The following CCSER1 variants were observed in gnomAD, a reference collection of about 807,000 sequenced individuals.
CCSER1 encodes the protein coiled-coil serine rich protein 1.
In CCSER1, 41 loss-of-function variants were observed where a neutral mutation model predicts 82.0. The observed-to-expected ratio is 0.50, with a 90% CI of 0.39 to 0.65. CCSER1 has a LOEUF of 0.65. CCSER1 is among the 30% of genes least tolerant of loss of function. CCSER1 has a pLI of 0.00. For missense variants in CCSER1, 1,119 were observed against 1,064.2 expected, an observed-to-expected ratio of 1.05 and a Z score of -0.72; for synonymous variants, 414 against 383.9, an observed-to-expected ratio of 1.08 and a Z score of -0.92.
At chr4:90,708,860 T>A (rs1739939982) in intron 6 of CCSER1, among the ~76,000 whole-genome samples, 1 of 152,156 alleles carries the variant, frequency 6.6e-6, no homozygotes. Context: ...CTTTGCCAGT[T>A]GAAGATATGA....
At chr4:90,782,290 GC>G (rs1291473683) in intron 7 of CCSER1, among the ~76,000 whole-genome samples, 2 of 152,126 alleles carry the variant, frequency 1.3e-5, no homozygotes, top group Non-Finnish European at 2.9e-5. Flanking sequence ...TCAAATTTCA[GC>G]CTAATTAGAA....
At chr4:90,194,353 A>G (rs892931453) in intron 1 of CCSER1, among the ~76,000 whole-genome samples, 10 of 152,068 alleles carry the variant, frequency 6.6e-5, no homozygotes, top group African/African-American at 2.4e-4. Flanking sequence ...CATACAAAGC[A>G]TGCTCAGTAA....
chr4:90,253,900 T>A (rs1177354740), intron 1 of CCSER1, among the ~76,000 whole-genome samples: 1 of 152,222 alleles, frequency 6.6e-6, no homozygotes, highest in Non-Finnish European at 1.5e-5. Flanking sequence ...TAGCCTTCAC[T>A]AATTGCTAGC....
chr4:91,496,986 T>A (rs562733468), intron 10 of CCSER1, among the ~76,000 whole-genome samples: 27 of 150,140 alleles, frequency 1.8e-4, no homozygotes, highest in African/African-American at 6.3e-4. Flanking sequence ...TCGATGTTCT[T>A]CTCCATCCTG....
At chr4:91,425,170 A>G (rs989603607) in intron 10 of CCSER1, among the ~76,000 whole-genome samples, 2 of 152,154 alleles carry the variant, frequency 1.3e-5, no homozygotes, top group Non-Finnish European at 2.9e-5. Context: ...ATCCTGGCTT[A>G]AGAGAAAGAA....
intron 6 of CCSER1, among the ~76,000 whole-genome samples, chr4:90,656,791 T>C (rs1729777318): frequency 6.6e-6 from 1 of 152,026 alleles, no homozygotes; most frequent in African/African-American, 2.4e-5. Flanking sequence ...CTTTGTTAGT[T>C]ATGCAATTTA....
chr4:90,479,946 C>T lies in CCSER1; in HGVS notation c.1724+11592C>T, dbSNP rs189954052. ...TTCTAGTTCCAGATCCCTGAAGAATCGCCACACCAATTTCCACAATTGTTG... is the reference window on the plus strand; with the variant it reads ...TTCTAGTTCCAGATCCCTGAAGAATTGCCACACCAATTTCCACAATTGTTG... On this transcript the variant is annotated intron_variant, in intron 5 of 10. Transcript: ENST00000509176. Among the ~76,000 whole-genome samples, 389 of 152,270 alleles carry T rather than the reference C, an allele frequency of 2.6e-3. 2 individuals are homozygous for T. Among genetic ancestry groups the T allele is most frequent in the African/African-American group, 8.8e-3 (367 of 41,562 alleles).
chr4:91,254,863 A>T (rs1740556363), intron 10 of CCSER1, among the ~76,000 whole-genome samples: 1 of 152,176 alleles, frequency 6.6e-6, no homozygotes, highest in African/African-American at 2.4e-5. Flanking sequence ...GTAGCATATT[A>T]TAGCATCGCT....
intron 7 of CCSER1, among the ~76,000 whole-genome samples, chr4:90,732,054 T>TCTCTCTCTCTCTCTCTCTCTCTCTCC (rs1189938582): frequency 6.6e-6 from 1 of 151,340 alleles, no homozygotes; most frequent in Non-Finnish European, 1.5e-5. Flanking sequence ...TCTCTCTCTC[T>TCTCTCTCTCTCTCTCTCTCTCTCTCC]CTCTCTCACT....
intron 10 of CCSER1, among the ~76,000 whole-genome samples, chr4:91,135,790 G>T (rs1405849566): frequency 1.3e-5 from 2 of 152,172 alleles, no homozygotes; most frequent in South Asian, 2.1e-4. Context: ...GAACCTGGGT[G>T]CAGCATGAAG....
chr4:91,423,580 CAT>C (rs1417029717), intron 10 of CCSER1, among the ~76,000 whole-genome samples: 1 of 152,068 alleles, frequency 6.6e-6, no homozygotes, highest in African/African-American at 2.4e-5. Context: ...TAATTTCTAA[CAT>C]ATAGCTTATG....
At chr4:90,368,155 T>A (rs1338654852) in intron 3 of CCSER1, among the ~76,000 whole-genome samples, 1 of 151,926 alleles carries the variant, frequency 6.6e-6, no homozygotes, top group African/African-American at 2.4e-5. Flanking sequence ...GAAGTTCTGA[T>A]GAACAGAAAG....
intron 1 of CCSER1, among the ~76,000 whole-genome samples, chr4:90,214,410 C>A (rs1740633947): frequency 6.6e-6 from 1 of 152,076 alleles, no homozygotes; most frequent in Non-Finnish European, 1.5e-5. Flanking sequence ...TAGGGATGCA[C>A]TAATAGGATT....
At chr4:91,575,430 C>A (rs1763404252) in intron 10 of CCSER1, among the ~76,000 whole-genome samples, 1 of 151,640 alleles carries the variant, frequency 6.6e-6, no homozygotes, top group East Asian at 1.9e-4. Context: ...AAAAGATAAC[C>A]CATTGAATAA....
intron 10 of CCSER1, among the ~76,000 whole-genome samples, chr4:91,451,916 A>T (rs952904413): frequency 6.6e-6 from 1 of 151,998 alleles, no homozygotes; most frequent in Non-Finnish European, 1.5e-5. Flanking sequence ...GCCTGGGTTG[A>T]GCTGGTCCAA....
chr4:90,304,034 A>G (rs1733723408), intron 1 of CCSER1, among the ~76,000 whole-genome samples: 1 of 152,206 alleles, frequency 6.6e-6, no homozygotes, highest in Admixed American at 6.5e-5. Flanking sequence ...GCAGCCAAAA[A>G]ACACATGAAA....
At chr4:90,280,371 C>T (rs1728639831) in intron 1 of CCSER1, among the ~76,000 whole-genome samples, 1 of 151,804 alleles carries the variant, frequency 6.6e-6, no homozygotes, top group Non-Finnish European at 1.5e-5. Flanking sequence ...TTCATTTCTC[C>T]CTTCCCTCCC....
intron 4 of CCSER1, among the ~76,000 whole-genome samples, chr4:90,423,127 T>C (rs1578398365): frequency 6.6e-6 from 1 of 152,188 alleles, no homozygotes; most frequent in East Asian, 1.9e-4. Context: ...CAGAAAATAA[T>C]TAAAATATAT....
chr4:91,087,247 C>T lies in CCSER1; in HGVS notation c.2217+1253C>T, dbSNP rs570023507. Among the ~76,000 whole-genome samples, 185 of 152,170 alleles carry T rather than the reference C, an allele frequency of 1.2e-3. No individual in the cohort carries two copies. In the South Asian group the frequency reaches 0.037, roughly 31 times the overall value. On this transcript the variant is annotated intron_variant, in intron 10 of 10. Transcript: ENST00000509176. ...TAGGGACATACTAAGTGGAGTTACT[C>T]GGCTTCTCCTTGCTGCTTCCTGGTC...
Sources: allele counts gnomAD v4.1 joint callset (sites outside exome capture counted in the v4.1 genomes callset), GRCh38; gene constraint gnomAD v4.1.1; transcripts MANE v1.5; gene names NCBI Gene and HGNC (gene_info 2026-07-23, HGNC 2026-07-21).